The following HSD17B12 variants were observed in gnomAD, a reference collection of about 807,000 sequenced individuals.
HSD17B12 encodes the protein very-long-chain 3-oxoacyl-CoA reductase.
In HSD17B12, 32 loss-of-function variants were observed where a neutral mutation model predicts 39.3. That is an observed-to-expected ratio of 0.81 (90% CI 0.61 to 1.09). The LOEUF is 1.09. HSD17B12 is among the 50% of genes least tolerant of loss of function. HSD17B12 has a pLI of 0.00. For missense variants in HSD17B12, 342 were observed against 382.9 expected (o/e 0.89, Z 0.89); for synonymous variants, 150 against 146.7 (o/e 1.02, Z -0.16).
At chr11:43,620,760 G>A in the HSD17B12 span, among the ~76,000 whole-genome samples, 2 of 152,316 alleles carry the variant, frequency 1.3e-5, no homozygotes, top group South Asian at 2.1e-4. Context: ...AGAAGGCTGA[G>A]CAGCCTAAAA....
chr11:43,790,449 TC>T lies in HSD17B12; in HGVS notation c.284-7864del, dbSNP rs543454278. Among the ~76,000 whole-genome samples the T allele has an allele frequency of 1.3e-4, 20 of 151,692 alleles. 1 individual carries two copies. In the East Asian group the frequency reaches 3.9e-3, roughly 29 times the overall value. On this transcript the variant is annotated intron_variant, in intron 3 of 10. Transcript: ENST00000278353. ...TTGTAGATATTGGCAGATAGAGGAGTCCCCCCCGTGTCTGCAGGGGATATGC... is the reference window on the plus strand; with the variant it reads ...TTGTAGATATTGGCAGATAGAGGAGTCCCCCCGTGTCTGCAGGGGATATGC...
chr11:43,574,460 A>C, the HSD17B12 span, among the ~76,000 whole-genome samples: 1 of 152,232 alleles, frequency 6.6e-6, no homozygotes, highest in Non-Finnish European at 1.5e-5. Flanking sequence ...AAGTGGATCT[A>C]GGATATGTGT....
the HSD17B12 span, among the ~76,000 whole-genome samples, chr11:43,636,589 A>ATT: frequency 1.4e-5 from 2 of 145,536 alleles, no homozygotes; most frequent in African/African-American, 5.0e-5. Context: ...GTCCAGATCT[A>ATT]TTTTTTTTTT....
At chr11:43,772,805 T>G (rs188911910) in intron 3 of HSD17B12, among the ~76,000 whole-genome samples, 3 of 152,124 alleles carry the variant, frequency 2.0e-5, no homozygotes, top group African/African-American at 4.8e-5. Flanking sequence ...TTCACCTGAT[T>G]TGGGGGGAAA....
At chr11:43,722,956 G>C (rs1289268778) in intron 1 of HSD17B12, among the ~76,000 whole-genome samples, 2 of 152,180 alleles carry the variant, frequency 1.3e-5, no homozygotes, top group Non-Finnish European at 2.9e-5. Flanking sequence ...GATGCCCCTG[G>C]TTGCTGTGCC....
chr11:43,821,770 T>C (rs1951185374), intron 6 of HSD17B12, among the ~76,000 whole-genome samples: 1 of 152,200 alleles, frequency 6.6e-6, no homozygotes, highest in Non-Finnish European at 1.5e-5. Flanking sequence ...CAAAGACAGA[T>C]TCTAAAACAA....
chr11:43,604,296 C>T, the HSD17B12 span, among the ~76,000 whole-genome samples: 1 of 152,046 alleles, frequency 6.6e-6, no homozygotes, highest in Non-Finnish European at 1.5e-5. Context: ...TTGTGATGCT[C>T]AAAGTTTTCT....
chr11:43,669,658 C>T, the HSD17B12 span, among the ~76,000 whole-genome samples: 4 of 152,174 alleles, frequency 2.6e-5, no homozygotes, highest in South Asian at 2.1e-4. Flanking sequence ...CCATTTTGAA[C>T]GTTCCTTGGC....
intron 3 of HSD17B12, among the ~76,000 whole-genome samples, chr11:43,780,122 C>T (rs1950749969): frequency 6.6e-6 from 1 of 152,144 alleles, no homozygotes; most frequent in South Asian, 2.1e-4. Flanking sequence ...TATCATATTG[C>T]CTTACACACT....
At chr11:43,781,704 G>A (rs4755741) in intron 3 of HSD17B12, among the ~76,000 whole-genome samples, 99,729 of 151,910 alleles carry the variant, frequency 0.66, 33,053 homozygotes, top group East Asian at 0.75. Flanking sequence ...ATTTTAGGGA[G>A]TTTAGGAAGT....
the HSD17B12 span, among the ~76,000 whole-genome samples, chr11:43,657,511 A>G: frequency 1.3e-5 from 2 of 152,064 alleles, no homozygotes; most frequent in Non-Finnish European, 1.5e-5. Flanking sequence ...GGTCTTTACA[A>G]TTTGGCATGT....
chr11:43,804,207 T>A (rs559337324), intron 4 of HSD17B12, among the ~76,000 whole-genome samples: 5 of 152,350 alleles, frequency 3.3e-5, no homozygotes, highest in Non-Finnish European at 4.4e-5. Context: ...TAGCTTTATT[T>A]AAGCTTTTAT....
chr11:43,613,673 T>A, the HSD17B12 span, among the ~76,000 whole-genome samples: 1 of 136,890 alleles, frequency 7.3e-6, no homozygotes, highest in African/African-American at 3.0e-5. Context: ...TTCCATGAAT[T>A]TTTTTTTTTT....
At chr11:43,800,308 A>G (rs1195412271) in intron 4 of HSD17B12, among the ~76,000 whole-genome samples, 1 of 152,238 alleles carries the variant, frequency 6.6e-6, no homozygotes, top group Non-Finnish European at 1.5e-5. Context: ...ATGAAAAAAG[A>G]CTGAGGGAGA....
chr11:43,820,959 C>G (rs1407814103), intron 6 of HSD17B12, among the ~76,000 whole-genome samples: 24 of 152,118 alleles, frequency 1.6e-4, no homozygotes, highest in Admixed American at 1.6e-3. Flanking sequence ...CACATAAGTT[C>G]CGTGTTTCAA....
At chr11:43,731,638 T>C (rs1160616261) in intron 1 of HSD17B12, among the ~76,000 whole-genome samples, 1 of 152,162 alleles carries the variant, frequency 6.6e-6, no homozygotes, top group Non-Finnish European at 1.5e-5. Flanking sequence ...GGTTGCAGCC[T>C]GCAGGTTGGT....
chr11:43,667,191 G>T, the HSD17B12 span, among the ~76,000 whole-genome samples: 86 of 152,160 alleles, frequency 5.7e-4, no homozygotes, highest in African/African-American at 2.0e-3. Context: ...TCACTCTATG[G>T]CCCAGGCTGG....
At chr11:43,749,927 T>G (rs963061995) in intron 1 of HSD17B12, among the ~76,000 whole-genome samples, 1 of 152,142 alleles carries the variant, frequency 6.6e-6, no homozygotes, top group Non-Finnish European at 1.5e-5. Context: ...ACTTGTAACA[T>G]GATTCTAGTA....
the HSD17B12 span, among the ~76,000 whole-genome samples, chr11:43,655,531 TG>T: frequency 6.6e-6 from 1 of 152,190 alleles, no homozygotes; most frequent in Non-Finnish European, 1.5e-5. Flanking sequence ...AGTATGATAT[TG>T]GCTGTGGGTT....
Sources: gnomAD v4.1 joint callset for allele counts (sites outside exome capture counted in the v4.1 genomes callset) on GRCh38, gnomAD v4.1.1 for gene constraint, MANE v1.5 for transcripts, NCBI Gene and HGNC (gene_info 2026-07-23, HGNC 2026-07-21) for gene names.